Variants in RASEF observed in about 807,000 individuals in gnomAD.
The protein encoded by RASEF is RAS and EF-hand domain containing, also known as ras and EF-hand domain-containing protein.
In RASEF, 68 loss-of-function variants were observed where a neutral mutation model predicts 90.1. That is an observed-to-expected ratio of 0.75 (90% CI 0.62 to 0.92). RASEF has a LOEUF of 0.92. Ranked by LOEUF, RASEF falls within the 40% of genes least tolerant of loss-of-function variation. The probability of loss-of-function intolerance (pLI) is 0.00; values close to 1 mark genes in which losing one functional copy is unlikely to be tolerated. For synonymous variants in RASEF, 331 were observed against 345.2 expected (o/e 0.96, Z 0.46); for missense variants, 949 against 937.2 (o/e 1.01, Z -0.16).
chr9:83,049,452 A>T (rs902872735), intron 1 of RASEF, among the ~76,000 whole-genome samples: 2 of 151,456 alleles, frequency 1.3e-5, no homozygotes, highest in African/African-American at 4.9e-5. Flanking sequence ...GACCACAGAA[A>T]ATCCAGCACT....
chr9:83,109,213 AT>A, the RASEF span, among the ~76,000 whole-genome samples: 1 of 152,214 alleles, frequency 6.6e-6, no homozygotes, highest in South Asian at 2.1e-4. Flanking sequence ...TGCCTTGCAC[AT>A]TGTAGGAACC....
the RASEF span, among the ~76,000 whole-genome samples, chr9:83,179,811 C>T: frequency 6.6e-6 from 1 of 152,074 alleles, no homozygotes; most frequent in African/African-American, 2.4e-5. Context: ...CACACATACA[C>T]ACACACACGT....
the RASEF span, among the ~76,000 whole-genome samples, chr9:83,109,700 A>T: frequency 6.6e-6 from 1 of 152,200 alleles, no homozygotes; most frequent in Non-Finnish European, 1.5e-5. Context: ...AATTGCTGAA[A>T]ATTGAAGGAA....
At chr9:83,151,664 T>C in the RASEF span, among the ~76,000 whole-genome samples, 2 of 152,200 alleles carry the variant, frequency 1.3e-5, no homozygotes, top group African/African-American at 4.8e-5. Context: ...CCAGGATTAA[T>C]TTTTGGCCTC....
intron 16 of RASEF, among the ~76,000 whole-genome samples, chr9:82,984,974 G>A (rs1387532010): frequency 6.6e-6 from 1 of 152,156 alleles, no homozygotes; most frequent in Admixed American, 6.5e-5. Context: ...AGAGACTTTT[G>A]ACATTGGAGA....
chr9:83,202,045 T>A, the RASEF span: 2,220 of 157,934 alleles, frequency 0.014, 19 homozygotes, highest in South Asian at 0.033. Flanking sequence ...TCTGGACAAG[T>A]GGCAGGCCCT....
chr9:83,174,536 G>A, the RASEF span, among the ~76,000 whole-genome samples: 4 of 152,050 alleles, frequency 2.6e-5, no homozygotes, highest in African/African-American at 4.8e-5. Flanking sequence ...ACACTGTCTT[G>A]TTTATTATAG....
the RASEF span, among the ~76,000 whole-genome samples, chr9:83,171,062 T>A: frequency 6.6e-6 from 1 of 151,934 alleles, no homozygotes; most frequent in East Asian, 1.9e-4. Flanking sequence ...TGTGAGTTTG[T>A]CATATGTGAC....
chr9:83,194,299 C>A, the RASEF span, among the ~76,000 whole-genome samples: 1 of 152,282 alleles, frequency 6.6e-6, no homozygotes, highest in East Asian at 1.9e-4. Context: ...TTTTTCATGA[C>A]CTTGACACTT....
the RASEF span, among the ~76,000 whole-genome samples, chr9:83,203,731 A>G: frequency 6.6e-6 from 1 of 152,136 alleles, no homozygotes; most frequent in Non-Finnish European, 1.5e-5. Context: ...TCACTTAAGT[A>G]AGTGAGGAGC....
chr9:83,133,238 CT>C, the RASEF span, among the ~76,000 whole-genome samples: 1 of 152,158 alleles, frequency 6.6e-6, no homozygotes, highest in East Asian at 1.9e-4. Flanking sequence ...AAATAGAGTA[CT>C]TCTCCTGTCC....
the RASEF span, among the ~76,000 whole-genome samples, chr9:83,078,175 T>C: frequency 6.6e-6 from 1 of 152,122 alleles, no homozygotes; most frequent in Admixed American, 6.5e-5. Flanking sequence ...CCCAGGTGAT[T>C]CTGATGCAGA....
chr9:82,980,799 C>G lies in RASEF; in HGVS notation c.*1878G>C, dbSNP rs1828583787. 6.6e-6 allele frequency: 1 copy of G among 152,142 alleles called. No homozygotes were observed. The highest frequency in any genetic ancestry group is 2.1e-4 in the South Asian group (1 of 4,822). The allele number at this position is 152,142 out of a possible 1,614,324, so 9.4% of individuals were successfully genotyped here. A position where few individuals can be genotyped will look rare whatever the true frequency, so the allele number is the denominator to read the frequency against. On this transcript the variant is annotated 3_prime_UTR_variant, in exon 17 of 17. Transcript: ENST00000376447. ...CTTATTTTGAAAAATTTCCCATATG[C>G]AAGACATTCTTTATGATCAGAAATG... is the stretch of plus-strand genomic sequence containing the variant.
rs771526580 is a variant in RASEF at position 83,009,638 on chromosome 9, T to C, written c.959+3A>G. 1.9e-6 allele frequency: 3 copies of C among 1,549,830 alleles called. No individual in the cohort carries two copies. The highest frequency in any genetic ancestry group is 2.2e-5 in the South Asian group (2 of 89,482). On this transcript the variant is annotated splice_donor_region_variant and intron_variant, in intron 6 of 16. Coordinates refer to ENST00000376447, the MANE Select transcript of RASEF (RefSeq NM_152573.4). ...ACTAACAAATAAAATGCAAAGTTCA[T>C]ACCTTTCAGTATTCAGACTCTGATC... is the stretch of plus-strand genomic sequence containing the variant.
chr9:83,166,004 A>G, the RASEF span, among the ~76,000 whole-genome samples: 11 of 152,322 alleles, frequency 7.2e-5, no homozygotes, highest in Middle Eastern at 6.8e-3. Flanking sequence ...TTAAAGAAAT[A>G]TAATCAATAG....
the RASEF span, among the ~76,000 whole-genome samples, chr9:83,088,282 GACATAGGTATCTC>G: frequency 6.6e-6 from 1 of 151,488 alleles, no homozygotes; most frequent in Non-Finnish European, 1.5e-5. Flanking sequence ...TATAAATATA[GACATAGGTATCTC>G]TCTCTATATT....
intron 1 of RASEF, among the ~76,000 whole-genome samples, chr9:83,038,655 A>G (rs1461279868): frequency 6.6e-6 from 1 of 152,184 alleles, no homozygotes; most frequent in East Asian, 1.9e-4. Flanking sequence ...GCTTCAATGT[A>G]CGTAAACCTT....
At chr9:83,007,297 C>T in intron 7 of RASEF, 140 bp downstream of exon 7, 1 of 687,096 alleles carries the variant, frequency 1.5e-6, no homozygotes. Context: ...ATGCCAAGTG[C>T]ACACCCTGAG....
chr9:83,063,030 G>C lies in RASEF; in HGVS notation c.-163C>G, dbSNP rs867949480. The C allele has an allele frequency of 9.5e-6, 7 of 737,176 alleles. No homozygotes were observed. Among genetic ancestry groups the C allele is most frequent in the Middle Eastern group, 4.1e-4 (1 of 2,460 alleles). The allele number at this position is 737,176 out of a possible 1,614,324, so 45.7% of individuals were successfully genotyped here. A position where few individuals can be genotyped will look rare whatever the true frequency, so the allele number is the denominator to read the frequency against. On this transcript the variant is annotated 5_prime_UTR_variant, in exon 1 of 17. Transcript: ENST00000376447. The stretch of plus-strand genomic sequence containing the variant: ...ACGTCGGGCGGGGCGAGGAACGTCG[G>C]GGGTGGCCGAGCGGCTCCCTTCGAC...
Sources: allele counts gnomAD v4.1 joint callset (sites outside exome capture counted in the v4.1 genomes callset), GRCh38; gene constraint gnomAD v4.1.1; transcripts MANE v1.5; gene names NCBI Gene and HGNC (gene_info 2026-07-23, HGNC 2026-07-21).